The following HS6ST3 variants were observed in gnomAD, a reference collection of about 807,000 sequenced individuals.
The protein encoded by HS6ST3 is heparan sulfate 6-O-sulfotransferase 3.
In HS6ST3, 12 loss-of-function variants were observed where a neutral mutation model predicts 36.7. The ratio of observed to expected loss-of-function variants is 0.33; its 90% confidence interval spans 0.21 to 0.53. The LOEUF is 0.53. Among genes scored for constraint, HS6ST3 ranks in the 20% least tolerant of loss-of-function variants. HS6ST3 has a pLI of 0.95. For missense variants in HS6ST3, 584 were observed against 640.9 expected (o/e 0.91, Z 0.96); for synonymous variants, 240 against 257.5 (o/e 0.93, Z 0.65).
At chr13:96,134,623 C>A (rs2053992276) in intron 1 of HS6ST3, among the ~76,000 whole-genome samples, 1 of 151,934 alleles carries the variant, frequency 6.6e-6, no homozygotes, top group African/African-American at 2.4e-5. Context: ...TGATATATTC[C>A]ATTTCTTTAT....
intron 1 of HS6ST3, among the ~76,000 whole-genome samples, chr13:96,809,016 C>G (rs1878260995): frequency 6.6e-6 from 1 of 152,068 alleles, no homozygotes; most frequent in African/African-American, 2.4e-5. Context: ...TCCATCAAAC[C>G]AGCAAACAAA....
chr13:96,181,645 C>G (rs1436201422), intron 1 of HS6ST3, among the ~76,000 whole-genome samples: 2 of 152,124 alleles, frequency 1.3e-5, no homozygotes, highest in Admixed American at 1.3e-4. Flanking sequence ...ACTCGGAAGG[C>G]TGATCCTAGG....
At chr13:96,236,532 T>C (rs924611122) in intron 1 of HS6ST3, among the ~76,000 whole-genome samples, 1 of 151,908 alleles carries the variant, frequency 6.6e-6, no homozygotes, top group Non-Finnish European at 1.5e-5. Flanking sequence ...TTATCCCCCA[T>C]AACTCCCTTG....
Position 96,644,299 on chromosome 13 carries a change from A to G in HS6ST3, c.708-188191A>G, listed in dbSNP as rs549102278. ...ATATCCAGTCTCAAGAAAAGGTTTG[A>G]CATTCATCAATTATGTCATATAGAT... On this transcript the variant is annotated intron_variant, in intron 1 of 1. Coordinates refer to ENST00000376705, the MANE Select transcript of HS6ST3 (RefSeq NM_153456.4). 3.3e-5 allele frequency among the ~76,000 whole-genome samples: 5 copies of G among 152,178 alleles called. No homozygotes were observed. In the South Asian group the frequency reaches 1.0e-3, roughly 32 times the overall value.
intron 1 of HS6ST3, among the ~76,000 whole-genome samples, chr13:96,761,457 T>G (rs748512506): frequency 6.6e-6 from 1 of 152,200 alleles, no homozygotes; most frequent in Non-Finnish European, 1.5e-5. Flanking sequence ...TTATTCCATA[T>G]TTTTTCAAGT....
At chr13:96,544,012 A>T (rs1158962705) in intron 1 of HS6ST3, among the ~76,000 whole-genome samples, 1 of 151,804 alleles carries the variant, frequency 6.6e-6, no homozygotes, top group African/African-American at 2.4e-5. Flanking sequence ...GGTAAGGGAG[A>T]TCAGGCATAA....
chr13:96,448,089 T>C (rs1164331155), intron 1 of HS6ST3, among the ~76,000 whole-genome samples: 1 of 152,196 alleles, frequency 6.6e-6, no homozygotes, highest in Non-Finnish European at 1.5e-5. Flanking sequence ...GGTATAGTTA[T>C]TGCAGCTGAT....
intron 1 of HS6ST3, among the ~76,000 whole-genome samples, chr13:96,790,737 C>T (rs1334882970): frequency 6.6e-6 from 1 of 152,004 alleles, no homozygotes; most frequent in Non-Finnish European, 1.5e-5. Context: ...TACACATTCT[C>T]GGATCCTGTG....
chr13:96,466,627 G>A (rs574590501), intron 1 of HS6ST3, among the ~76,000 whole-genome samples: 5 of 152,266 alleles, frequency 3.3e-5, no homozygotes, highest in Admixed American at 2.6e-4. Flanking sequence ...TTAAATCAAA[G>A]AAGAAAAGAA....
intron 1 of HS6ST3, among the ~76,000 whole-genome samples, chr13:96,269,494 G>C (rs1331728988): frequency 6.6e-6 from 1 of 151,990 alleles, no homozygotes; most frequent in Non-Finnish European, 1.5e-5. Context: ...AAGGTGGGGG[G>C]AAGTCATTCT....
At chr13:96,700,382 G>T (rs748508961) in intron 1 of HS6ST3, among the ~76,000 whole-genome samples, 7 of 151,980 alleles carry the variant, frequency 4.6e-5, no homozygotes, top group Non-Finnish European at 1.0e-4. Flanking sequence ...CTCCCACCAG[G>T]TCCCTCCCAC....
chr13:96,481,173 C>T (rs980634358), intron 1 of HS6ST3, among the ~76,000 whole-genome samples: 3 of 152,178 alleles, frequency 2.0e-5, no homozygotes, highest in Admixed American at 1.3e-4. Flanking sequence ...TTGCCCCAGA[C>T]ACCAATTAAG....
intron 1 of HS6ST3, among the ~76,000 whole-genome samples, chr13:96,400,186 GAC>G (rs2055442725): frequency 1.2e-5 from 1 of 83,524 alleles, no homozygotes; most frequent in African/African-American, 4.5e-5. Flanking sequence ...CACACACACA[GAC>G]ACATATATGC....
chr13:96,190,316 A>T (rs1250990469), intron 1 of HS6ST3, among the ~76,000 whole-genome samples: 1 of 152,140 alleles, frequency 6.6e-6, no homozygotes, highest in Non-Finnish European at 1.5e-5. Context: ...TTCAGTTACC[A>T]TCTGTATGGT....
At chr13:96,348,273 G>A (rs924497746) in intron 1 of HS6ST3, among the ~76,000 whole-genome samples, 3 of 152,196 alleles carry the variant, frequency 2.0e-5, no homozygotes, top group African/African-American at 7.2e-5. Flanking sequence ...ATCTTGGAAG[G>A]TGTAACATTC....
chr13:96,238,135 C>T (rs1338754222), intron 1 of HS6ST3, among the ~76,000 whole-genome samples: 1 of 152,094 alleles, frequency 6.6e-6, no homozygotes, highest in Non-Finnish European at 1.5e-5. Flanking sequence ...AGACTACTAT[C>T]ATCTATCTAG....
At chr13:96,460,541 C>T (rs188440913) in intron 1 of HS6ST3, among the ~76,000 whole-genome samples, 3 of 152,302 alleles carry the variant, frequency 2.0e-5, no homozygotes, top group East Asian at 1.9e-4. Flanking sequence ...TCAAAGACAG[C>T]TGGGTTAATT....
intron 1 of HS6ST3, among the ~76,000 whole-genome samples, chr13:96,454,554 C>T (rs1259238965): frequency 6.6e-6 from 1 of 152,082 alleles, no homozygotes; most frequent in Non-Finnish European, 1.5e-5. Flanking sequence ...GATTATAACA[C>T]TAAAATCTGC....
intron 1 of HS6ST3, among the ~76,000 whole-genome samples, chr13:96,254,526 T>G (rs1457418705): frequency 8.0e-6 from 1 of 125,200 alleles, no homozygotes; most frequent in Admixed American, 9.2e-5. Context: ...CACACTTTTT[T>G]CTTTTCACAC....
Sources: allele counts gnomAD v4.1 joint callset (sites outside exome capture counted in the v4.1 genomes callset), GRCh38; gene constraint gnomAD v4.1.1; transcripts MANE v1.5; gene names NCBI Gene and HGNC (gene_info 2026-07-23, HGNC 2026-07-21).